The following STXBP4 variants were observed in gnomAD, a reference collection of about 807,000 sequenced individuals.
The protein encoded by STXBP4 is syntaxin binding protein 4.
In STXBP4, 55 loss-of-function variants were observed where a neutral mutation model predicts 76.1. That is an observed-to-expected ratio of 0.72 (90% confidence interval 0.58 to 0.91). STXBP4 has a LOEUF of 0.91. STXBP4 is among the 40% of genes least tolerant of loss of function. The pLI is 0.00. For missense variants in STXBP4, 618 were observed against 636.9 expected (o/e 0.97, Z 0.32); for synonymous variants, 201 against 220.2 (o/e 0.91, Z 0.77).
intron 8 of STXBP4, among the ~76,000 whole-genome samples, chr17:55,019,802 C>A (rs921176180): frequency 2.0e-5 from 3 of 152,074 alleles, no homozygotes; most frequent in African/African-American, 7.2e-5. Context: ...ATTCTAGGGT[C>A]ACAGTTATCG....
intron 3 of STXBP4, 96 bp from the exon 4 acceptor site, chr17:54,990,729 T>C (rs2077701952): frequency 1.4e-6 from 2 of 1,433,970 alleles, no homozygotes; most frequent in Non-Finnish European, 9.3e-7. Context: ...GGGTTGCTGC[T>C]CTAGATCTCA....
At chr17:55,111,795 T>G (rs922824799) in intron 16 of STXBP4, among the ~76,000 whole-genome samples, 4 of 152,194 alleles carry the variant, frequency 2.6e-5, no homozygotes, top group Admixed American at 1.3e-4. Flanking sequence ...CCTCAGGTAT[T>G]CCTTTATAGC....
intron 13 of STXBP4, among the ~76,000 whole-genome samples, chr17:55,074,817 C>G (rs2079160580): frequency 6.6e-6 from 1 of 151,856 alleles, no homozygotes; most frequent in African/African-American, 2.4e-5. Context: ...TAAAGAGTCT[C>G]TTTAAAGAGC....
At chr17:54,984,820 C>T (rs1271961230) in intron 1 of STXBP4, among the ~76,000 whole-genome samples, 1 of 152,154 alleles carries the variant, frequency 6.6e-6, no homozygotes, top group African/African-American at 2.4e-5. Flanking sequence ...TGTGCTCAGA[C>T]TTAAAAAATG....
chr17:55,062,426 T>G (rs1254038666), intron 12 of STXBP4, among the ~76,000 whole-genome samples: 1 of 152,160 alleles, frequency 6.6e-6, no homozygotes, highest in Non-Finnish European at 1.5e-5. Context: ...CACTCATCCT[T>G]TTTTTATGGC....
At chr17:55,108,773 T>C (rs146656840) in intron 16 of STXBP4, among the ~76,000 whole-genome samples, 6 of 152,076 alleles carry the variant, frequency 3.9e-5, no homozygotes, top group Non-Finnish European at 7.4e-5. Flanking sequence ...ATAAGCTGGG[T>C]ACCTCAGTTG....
chr17:54,976,336 C>T (rs1055702345), intron 1 of STXBP4, among the ~76,000 whole-genome samples: 11 of 152,158 alleles, frequency 7.2e-5, no homozygotes, highest in African/African-American at 2.7e-4. Context: ...ACCAATTGTC[C>T]CATAGAACTG....
the STXBP4 span, among the ~76,000 whole-genome samples, chr17:55,206,034 A>G: frequency 2.6e-5 from 4 of 152,116 alleles, no homozygotes; most frequent in African/African-American, 7.2e-5. Flanking sequence ...TAAAATGCAT[A>G]AGGCAGGTCT....
chr17:55,189,940 CTTA>C, the STXBP4 span, among the ~76,000 whole-genome samples: 6 of 152,132 alleles, frequency 3.9e-5, no homozygotes, highest in African/African-American at 1.2e-4. Flanking sequence ...GAAAATAACA[CTTA>C]TTATATATTG....
At chr17:55,062,798 G>A (rs939560977) in intron 12 of STXBP4, among the ~76,000 whole-genome samples, 17 of 152,090 alleles carry the variant, frequency 1.1e-4, no homozygotes, top group African/African-American at 3.9e-4. Context: ...ATTCTAACTG[G>A]CGTGAGATGC....
At chr17:55,000,292 A>G in intron 6 of STXBP4, 2 of 982,750 alleles carry the variant, frequency 2.0e-6, no homozygotes, top group South Asian at 9.4e-5. Flanking sequence ...TGCATGCTAT[A>G]GTTCACCCAA....
At chr17:54,973,808 C>G (rs2077432594) in intron 1 of STXBP4, among the ~76,000 whole-genome samples, 1 of 152,184 alleles carries the variant, frequency 6.6e-6, no homozygotes, top group African/African-American at 2.4e-5. Flanking sequence ...TTTTAAATAT[C>G]AAGAGCTGGA....
intron 16 of STXBP4, among the ~76,000 whole-genome samples, chr17:55,118,030 TA>T (rs2079802206): frequency 6.6e-6 from 1 of 151,928 alleles, no homozygotes; most frequent in Non-Finnish European, 1.5e-5. Context: ...AAACACTACT[TA>T]TTTATTCAGC....
At chr17:55,120,389 A>G (rs933221106) in intron 16 of STXBP4, among the ~76,000 whole-genome samples, 11 of 152,208 alleles carry the variant, frequency 7.2e-5, no homozygotes, top group African/African-American at 2.2e-4. Flanking sequence ...CCTATAAATA[A>G]TTACATTCCA....
intron 12 of STXBP4, among the ~76,000 whole-genome samples, chr17:55,047,509 C>T (rs552937735): frequency 6.6e-6 from 1 of 151,342 alleles, no homozygotes; most frequent in Admixed American, 6.6e-5. Flanking sequence ...GTTACTCATA[C>T]TTCATTTTAC....
chr17:55,192,548 C>T, the STXBP4 span, among the ~76,000 whole-genome samples: 1 of 152,174 alleles, frequency 6.6e-6, no homozygotes, highest in Admixed American at 6.5e-5. Flanking sequence ...ACCAGGACTC[C>T]TACATCAATT....
intron 10 of STXBP4, among the ~76,000 whole-genome samples, chr17:55,038,015 G>C (rs137968497): frequency 6.6e-6 from 1 of 152,224 alleles, no homozygotes; most frequent in East Asian, 1.9e-4. Flanking sequence ...GATGCTGACT[G>C]TCTGTGAGGG....
chr17:55,159,780 T>A lies in STXBP4; in HGVS notation c.1548-17T>A. ...GACAGTCTTTCAGATTCTAATTGCA[T>A]TCTTGTTCTTCTCAAGTCATGTAAC... is the stretch of plus-strand genomic sequence containing the variant. On this transcript the variant is annotated splice_polypyrimidine_tract_variant and intron_variant, in intron 17 of 17. Transcript: ENST00000376352. 6.6e-7 allele frequency: 1 copy of A among 1,525,484 alleles called. No individual in the cohort carries two copies. Among genetic ancestry groups the A allele is most frequent in the South Asian group, 1.1e-5 (1 of 88,880 alleles). The allele number at this position is 1,525,484 out of a possible 1,614,324, so 94.5% of individuals were successfully genotyped here.
At chr17:55,054,363 C>T (rs1184072074) in intron 12 of STXBP4, among the ~76,000 whole-genome samples, 1 of 152,106 alleles carries the variant, frequency 6.6e-6, no homozygotes, top group Admixed American at 6.6e-5. Context: ...GTAGCACATG[C>T]CTGTCATCCC....
Sources: allele counts gnomAD v4.1 joint callset (sites outside exome capture counted in the v4.1 genomes callset), GRCh38; gene constraint gnomAD v4.1.1; transcripts MANE v1.5; gene names NCBI Gene and HGNC (gene_info 2026-07-23, HGNC 2026-07-21).